The following GNB3 variants were observed in gnomAD, a reference collection of about 807,000 sequenced individuals.
GNB3 encodes the protein guanine nucleotide-binding protein G(I)/G(S)/G(T) subunit beta-3.
A neutral mutation model predicts 41.2 loss-of-function variants in GNB3; 33 were observed. The ratio of observed to expected loss-of-function variants is 0.80; its 90% CI spans 0.61 to 1.07. GNB3 has a LOEUF of 1.07. Among genes scored for constraint, GNB3 ranks in the 50% least tolerant of loss-of-function variants. The probability of loss-of-function intolerance (pLI) is 0.00; values close to 1 mark genes in which losing one functional copy is unlikely to be tolerated. For missense variants in GNB3, 409 were observed against 455.3 expected, an observed-to-expected ratio of 0.90 and a Z score of 0.92; for synonymous variants, 172 against 173.4, an observed-to-expected ratio of 0.99 and a Z score of 0.06.
chr12:6,842,612 G>A (rs895226216), intron 3 of GNB3, among the ~76,000 whole-genome samples: 4 of 152,252 alleles, frequency 2.6e-5, no homozygotes, highest in East Asian at 1.9e-4. Context: ...GGCTCCTCTC[G>A]GCTTGGGAGA....
At chr12:6,846,543 A>T (rs988457013) in intron 9 of GNB3, 1 of 386,676 alleles carries the variant, frequency 2.6e-6, no homozygotes, top group Non-Finnish European at 4.7e-6. Context: ...ATCCTCTTTC[A>T]GTCTCTTAGC....
intron 3 of GNB3, 44 bp downstream of exon 3, chr12:6,841,668 G>T: frequency 6.7e-7 from 1 of 1,492,940 alleles, no homozygotes; most frequent in South Asian, 1.2e-5. Flanking sequence ...GGGGGGAGGG[G>T]AAGGGAGCTC....
intron 3 of GNB3, 79 bp downstream of exon 3, chr12:6,841,703 C>T (rs781869004): frequency 1.9e-6 from 2 of 1,027,124 alleles, no homozygotes; most frequent in East Asian, 2.5e-5. Flanking sequence ...GCGCGTTGCT[C>T]CGAGCATTAG....
At position 6,841,042 on chromosome 12, in the gene GNB3, G is replaced by A; in HGVS notation, c.-31+9G>A. The stretch of plus-strand genomic sequence containing the variant: ...GTCCAGCCAGAGCCCAAGTAAGAGG[G>A]AGCTGGCCTGGGCTCTGCTCTCCTG... On this transcript the variant is annotated intron_variant, in intron 1 of 9. Transcript: ENST00000229264. The A allele has an allele frequency of 7.1e-6, 4 of 563,378 alleles. No homozygotes were observed. The highest frequency in any genetic ancestry group is 1.3e-5 in the Non-Finnish European group (4 of 317,614). 34.9% of individuals were successfully genotyped at this position (563,378 alleles called of 1,614,324 possible). A position where few individuals can be genotyped will look rare whatever the true frequency, so the allele number is the denominator to read the frequency against.
Position 6,845,739 on chromosome 12 carries a change from C to CTA in GNB3, c.855_856dup (p.Phe286TyrfsTer16), listed in dbSNP as rs781986240. 9.3e-6 allele frequency: 15 copies of CTA among 1,614,070 alleles called. No individual in the cohort carries two copies. The highest frequency in any genetic ancestry group is 1.3e-5 in the Non-Finnish European group (15 of 1,180,022). On this transcript the variant is annotated frameshift_variant, in exon 9 of 10. Transcript: ENST00000229264. LOFTEE classifies it high-confidence loss of function. ...GGCCTTCTCCCTCAGTGGCCGCCTACTATTCGCTGGCTACGACGACTTCAA... is the reference window on the plus strand; with the variant it reads ...GGCCTTCTCCCTCAGTGGCCGCCTACTATATTCGCTGGCTACGACGACTTCAA...
chr12:6,841,878 T>C (rs920868708), intron 3 of GNB3: 1 of 676,004 alleles, frequency 1.5e-6, no homozygotes, highest in Non-Finnish European at 2.7e-6. Flanking sequence ...CCCAGGGCCT[T>C]GAAGATGAAG....
chr12:6,844,091 G>GTCTTTTTTTTTTT lies in GNB3; in HGVS notation c.699+114_699+115insCTTTTTTTTTTTT, dbSNP rs1432718669. ...ATAGCTTCCCTAGCCCTTTCTTACT[G>GTCTTTTTTTTTTT]TATTTTTTTTTTTTTTTTTTTTTTT... On this transcript the variant is annotated intron_variant, in intron 8 of 9. Coordinates refer to ENST00000229264, the MANE Select transcript of GNB3 (RefSeq NM_002075.4). 4 of 253,438 alleles carry GTCTTTTTTTTTTT rather than the reference G, an allele frequency of 1.6e-5. 1 individual carries two copies. In the African/African-American group the frequency reaches 1.7e-4, roughly 11 times the overall value. 15.7% of individuals were successfully genotyped at this position (253,438 alleles called of 1,614,324 possible). A position where few individuals can be genotyped will look rare whatever the true frequency, so the allele number is the denominator to read the frequency against.
Position 6,841,639 on chromosome 12 carries a change from C to T in GNB3, c.96+15C>T, listed in dbSNP as rs782160261. On this transcript the variant is annotated intron_variant, in intron 3 of 9. Coordinates refer to ENST00000229264, the MANE Select transcript of GNB3 (RefSeq NM_002075.4). ...CTCTGGCAGAGGTAAGACCCCCTGTCCCCCGGAAGGCAGGGCATGGGGGGA... is the reference window on the plus strand; with the variant it reads ...CTCTGGCAGAGGTAAGACCCCCTGTTCCCCGGAAGGCAGGGCATGGGGGGA... 1.2e-4 allele frequency: 200 copies of T among 1,604,712 alleles called. No homozygotes were observed. Among genetic ancestry groups the T allele is most frequent in the Admixed American group, 7.0e-4 (42 of 59,780 alleles).
intron 9 of GNB3, chr12:6,846,097 G>A: frequency 2.6e-6 from 1 of 383,548 alleles, no homozygotes; most frequent in Non-Finnish European, 4.8e-6. Flanking sequence ...CATTTCAGGG[G>A]CACCCACTGA....
At position 6,847,104 on chromosome 12, in the gene GNB3, T is replaced by A. The variant is rs2137996844; in HGVS notation, c.*206T>A. The A allele has an allele frequency of 1.8e-6, 1 of 556,262 alleles. No individual in the cohort carries two copies. Among genetic ancestry groups the A allele is most frequent in the East Asian group, 2.9e-5 (1 of 33,980 alleles). 34.5% of individuals were successfully genotyped at this position (556,262 alleles called of 1,614,324 possible). ...CAAAGAACTGCCCCATCTCCTCCCA[T>A]GGCCTTCCCTCCCCACAGTCCTCAC... On this transcript the variant is annotated 3_prime_UTR_variant, in exon 10 of 10. Transcript: ENST00000229264.
chr12:6,843,335 A>G lies in GNB3; in HGVS notation c.268-28A>G, dbSNP rs1158773399. ...CAGCTGGGAGCTTGGCTCCGGTCCC[A>G]TCTCTGCTCAAACCACCCTCCCTGC... On this transcript the variant is annotated intron_variant, in intron 5 of 9. Coordinates refer to ENST00000229264, the MANE Select transcript of GNB3 (RefSeq NM_002075.4). This position sits in a 1 kb window ranked among gnomAD's most constrained non-coding sequence, Gnocchi z 5.9. 6.2e-7 allele frequency: 1 copy of G among 1,613,064 alleles called. No individual in the cohort carries two copies. Among genetic ancestry groups the G allele is most frequent in the Non-Finnish European group, 8.5e-7 (1 of 1,179,226 alleles).
chr12:6,843,137 G>C lies in GNB3; in HGVS notation c.204-37G>C. 1 of 1,608,848 alleles carries C rather than the reference G, an allele frequency of 6.2e-7. No individual in the cohort carries two copies. The highest frequency in any genetic ancestry group is 8.5e-7 in the Non-Finnish European group (1 of 1,175,278). On this transcript the variant is annotated intron_variant, in intron 4 of 9. Coordinates refer to ENST00000229264, the MANE Select transcript of GNB3 (RefSeq NM_002075.4). The surrounding 1 kb of genome is among the most constrained non-coding windows in gnomAD (Gnocchi z 5.9). ...AGAGCGGGAGTGAGGAAGGCGGGAA[G>C]GGGAGGCTTGCATGATATGGGATGC... is the stretch of plus-strand genomic sequence containing the variant.
At position 6,845,745 on chromosome 12, in the gene GNB3, G is replaced by A. The variant is rs782090563; in HGVS notation, c.859G>A (p.Ala287Thr). ...AFSLSGRLLF[A>T]GYDDFNCNVW... Reference sequence around the variant, plus strand: ...CTCCCTCAGTGGCCGCCTACTATTCGCTGGCTACGACGACTTCAACTGCAA... The same window carrying A: ...CTCCCTCAGTGGCCGCCTACTATTCACTGGCTACGACGACTTCAACTGCAA... Residue 287 changes from alanine (A) to threonine (T), a missense_variant, in exon 9 of 10, where the codon GCT becomes ACT. Ala to Thr is a moderately conservative substitution (Grantham distance 58, BLOSUM62 0). Transcript: ENST00000229264. The A allele has an allele frequency of 5.0e-6, 8 of 1,614,058 alleles. No homozygotes were observed. Among genetic ancestry groups the A allele is most frequent in the South Asian group, 2.2e-5 (2 of 91,084 alleles).
chr12:6,842,047 A>T, intron 3 of GNB3: 1 of 345,740 alleles, frequency 2.9e-6, no homozygotes, highest in Non-Finnish European at 5.6e-6. Context: ...ATTAGAATTG[A>T]CAGCATCTTT....
chr12:6,841,539 C>G (rs1555123378), intron 2 of GNB3, 47 bp from the exon 3 acceptor site: 2 of 1,542,538 alleles, frequency 1.3e-6, no homozygotes, highest in South Asian at 2.3e-5. Flanking sequence ...CATGCACCTG[C>G]CACCCCCACC....
At chr12:6,842,922 G>T in intron 3 of GNB3, 48 bp from the exon 4 acceptor site, 1 of 1,231,932 alleles carries the variant, frequency 8.1e-7, no homozygotes, top group East Asian at 2.4e-5. Context: ...ACAGACATCT[G>T]GGCACGTAAC....
intron 3 of GNB3, 184 bp downstream of exon 3, chr12:6,841,808 C>T (rs1420453914): frequency 5.7e-6 from 4 of 703,266 alleles, no homozygotes; most frequent in South Asian, 3.0e-5. Context: ...ATATTGGATG[C>T]GAAAGATGCG....
intron 8 of GNB3, among the ~76,000 whole-genome samples, chr12:6,844,535 A>G (rs1274957933): frequency 1.3e-5 from 2 of 150,806 alleles, no homozygotes; most frequent in Non-Finnish European, 3.0e-5. Context: ...TCCTCCCACC[A>G]CAGCCTCCTG....
rs1555124859 is a variant in GNB3, at chr12:6,846,845, G to C, written c.970G>C (p.Gly324Arg). The C allele has an allele frequency of 6.2e-7, 1 of 1,602,582 alleles. No homozygotes were observed. Among genetic ancestry groups the C allele is most frequent in the Non-Finnish European group, 8.5e-7 (1 of 1,174,580 alleles). ...RVSCLGVTADGMAVATGSWDS... is the reference protein window; with the variant it reads ...RVSCLGVTADRMAVATGSWDS... Reference sequence around the variant, plus strand: ...GAGCTGCCTGGGAGTCACAGCTGACGGGATGGCTGTGGCCACAGGTTCCTG... The same window carrying C: ...GAGCTGCCTGGGAGTCACAGCTGACCGGATGGCTGTGGCCACAGGTTCCTG... The change falls in exon 10 of 10, where the codon GGG becomes CGG. Residue 324 changes from glycine to arginine, a missense_variant. Transcript: ENST00000229264.
Sources: allele counts gnomAD v4.1 joint callset (sites outside exome capture counted in the v4.1 genomes callset), GRCh38; gene constraint gnomAD v4.1.1; non-coding constraint Gnocchi (gnomAD v3.1); transcripts MANE v1.5; gene names NCBI Gene and HGNC (gene_info 2026-07-23, HGNC 2026-07-21).